Variants in ATP13A4 observed in about 807,000 individuals in gnomAD.
The protein encoded by ATP13A4 is ATPase 13A4.
A neutral mutation model predicts 142.5 loss-of-function variants in ATP13A4; 114 were observed. That is an observed-to-expected ratio of 0.80 (90% CI 0.69 to 0.93). ATP13A4 has a LOEUF of 0.93. ATP13A4 is among the 40% of genes least tolerant of loss of function. The pLI is 0.00. For synonymous variants in ATP13A4, 488 were observed against 514.8 expected, an observed-to-expected ratio of 0.95 and a Z score of 0.70; for missense variants, 1,392 against 1,454.0, an observed-to-expected ratio of 0.96 and a Z score of 0.69.
chr3:193,500,150 A>G (rs73063921), intron 3 of ATP13A4, among the ~76,000 whole-genome samples: 3,356 of 152,260 alleles, frequency 0.022, 118 homozygotes, highest in African/African-American at 0.077. Flanking sequence ...TATTTCCTGG[A>G]AATTCAGACC....
intron 3 of ATP13A4, among the ~76,000 whole-genome samples, chr3:193,497,946 T>TC (rs965959077): frequency 6.6e-6 from 1 of 152,142 alleles, no homozygotes; most frequent in African/African-American, 2.4e-5. Context: ...AGAGGAAGAT[T>TC]GGTCAACAGT....
intron 7 of ATP13A4, among the ~76,000 whole-genome samples, chr3:193,488,762 G>A (rs963668467): frequency 6.6e-6 from 1 of 152,186 alleles, no homozygotes; most frequent in Non-Finnish European, 1.5e-5. Context: ...GCAGAAGCAC[G>A]GTCAAGAGAA....
chr3:193,566,961 A>G (rs1038657842), intron 2 of ATP13A4, among the ~76,000 whole-genome samples: 1 of 152,130 alleles, frequency 6.6e-6, no homozygotes, highest in Non-Finnish European at 1.5e-5. Flanking sequence ...AACTCATCTT[A>G]TTTTCCTATC....
At chr3:193,415,493 A>T (rs1715012848) in intron 25 of ATP13A4, among the ~76,000 whole-genome samples, 1 of 152,162 alleles carries the variant, frequency 6.6e-6, no homozygotes. Flanking sequence ...CACTTGATCC[A>T]CCCCCTACTC....
chr3:193,583,629 T>C (rs1724614639), intron 1 of ATP13A4, among the ~76,000 whole-genome samples: 1 of 147,796 alleles, frequency 6.8e-6, no homozygotes, highest in Non-Finnish European at 1.5e-5. Flanking sequence ...CAAAGGAAGA[T>C]TGTATCTTTG....
chr3:193,448,535 C>T (rs1717090155), intron 17 of ATP13A4, among the ~76,000 whole-genome samples: 5 of 152,166 alleles, frequency 3.3e-5, no homozygotes, highest in Admixed American at 3.3e-4. Flanking sequence ...GGGGTTTCAC[C>T]ATGTTGGCTA....
chr3:193,419,402 C>T (rs1478944511), intron 25 of ATP13A4, among the ~76,000 whole-genome samples: 1 of 150,116 alleles, frequency 6.7e-6, no homozygotes. Context: ...GCTGCCCCTG[C>T]CCCCATGCCT....
intron 2 of ATP13A4, among the ~76,000 whole-genome samples, chr3:193,573,307 A>AAGTATATATATATATATT (rs1491575912): frequency 7.7e-6 from 1 of 129,890 alleles, no homozygotes; most frequent in Non-Finnish European, 1.6e-5. Context: ...ATATATATAT[A>AAGTATATATATATATATT]CATATATATA....
At chr3:193,527,342 A>C (rs1035094278) in intron 1 of ATP13A4, among the ~76,000 whole-genome samples, 1 of 152,080 alleles carries the variant, frequency 6.6e-6, no homozygotes, top group Non-Finnish European at 1.5e-5. Flanking sequence ...GACTGGGTGC[A>C]GTGGCTCTTG....
chr3:193,421,600 A>G (rs1183506284), intron 25 of ATP13A4, among the ~76,000 whole-genome samples: 1 of 150,018 alleles, frequency 6.7e-6, no homozygotes, highest in Non-Finnish European at 1.5e-5. Context: ...AATAGTAACT[A>G]CAATACATTG....
rs565992646 is a variant in ATP13A4, at chr3:193,487,204, A to G, written c.738+2526T>C. Among the ~76,000 whole-genome samples, 8 of 152,306 alleles carry G rather than the reference A, an allele frequency of 5.3e-5. No homozygotes were observed. The South Asian group carries it at 1.7e-3, about 32-fold the overall frequency. On this transcript the variant is annotated intron_variant, in intron 7 of 29. Coordinates refer to ENST00000342695, the MANE Select transcript of ATP13A4 (RefSeq NM_032279.4). ...AGAATGGAGCAGTTAACCGTGTCAA[A>G]TCCAACTGAGAGGTTTAGCGATATC...
intron 10 of ATP13A4, among the ~76,000 whole-genome samples, chr3:193,467,088 G>A (rs886407183): frequency 2.0e-5 from 3 of 152,072 alleles, no homozygotes; most frequent in African/African-American, 7.2e-5. Flanking sequence ...TGAGGGAATA[G>A]ATACCCCCTT....
At chr3:193,573,425 C>A (rs1577086235) in intron 2 of ATP13A4, among the ~76,000 whole-genome samples, 1 of 150,370 alleles carries the variant, frequency 6.7e-6, no homozygotes, top group African/African-American at 2.5e-5. Context: ...CATCTGGTGA[C>A]AAATGACTCT....
chr3:193,555,053 C>T, upstream of ATP13A4: 2 of 863,036 alleles, frequency 2.3e-6, no homozygotes, highest in East Asian at 3.3e-5. Context: ...CTCAGAGCAG[C>T]TGTCTCAAAG....
At chr3:193,485,814 C>T (rs1719580224) in intron 7 of ATP13A4, among the ~76,000 whole-genome samples, 1 of 151,664 alleles carries the variant, frequency 6.6e-6, no homozygotes, top group Admixed American at 6.6e-5. Context: ...AGGAAGGTAC[C>T]ATCTCTGAAC....
At chr3:193,550,563 C>A (rs1470674729) in intron 1 of ATP13A4, among the ~76,000 whole-genome samples, 1 of 152,204 alleles carries the variant, frequency 6.6e-6, no homozygotes, top group Non-Finnish European at 1.5e-5. Flanking sequence ...GCCTCAGCCT[C>A]CCAAAGTGCC....
chr3:193,408,008 T>C (rs1714588481), intron 28 of ATP13A4, among the ~76,000 whole-genome samples: 2 of 152,386 alleles, frequency 1.3e-5, no homozygotes, highest in South Asian at 4.1e-4. Context: ...TGTCATGACC[T>C]GTCCCTTTGC....
chr3:193,581,971 C>T (rs544493620), intron 1 of ATP13A4: 40 of 151,908 alleles, frequency 2.6e-4, no homozygotes, highest in African/African-American at 8.9e-4. Context: ...TGAAGCAAGG[C>T]TTCAGTGTGA....
chr3:193,443,761 G>T (rs1281307746), intron 18 of ATP13A4, among the ~76,000 whole-genome samples: 1 of 152,110 alleles, frequency 6.6e-6, no homozygotes, highest in Non-Finnish European at 1.5e-5. Context: ...TAAGTGGAAA[G>T]ACGGAAGTTC....
Sources: allele counts gnomAD v4.1 joint callset (sites outside exome capture counted in the v4.1 genomes callset), GRCh38; gene constraint gnomAD v4.1.1; transcripts MANE v1.5; gene names NCBI Gene and HGNC (gene_info 2026-07-23, HGNC 2026-07-21).